Variants in SNX1 observed in about 807,000 individuals in gnomAD.
SNX1 encodes the protein sorting nexin 1.
Under a neutral mutation model 71.8 loss-of-function variants are expected in SNX1, and 36 were observed. That is an observed-to-expected ratio of 0.50 (90% CI 0.38 to 0.66). SNX1 has a LOEUF of 0.66. SNX1 is among the 30% of genes least tolerant of loss of function. The probability of loss-of-function intolerance (pLI) is 0.00; values close to 1 mark genes in which losing one functional copy is unlikely to be tolerated. For missense variants in SNX1, 612 were observed against 646.7 expected (o/e 0.95, Z 0.58); for synonymous variants, 254 against 240.7 (o/e 1.06, Z -0.51).
chr15:64,118,953 A>G lies in SNX1; in HGVS notation c.466+99A>G, dbSNP rs576339953. On this transcript the variant is annotated intron_variant, in intron 4 of 14. Transcript: ENST00000559844. ...GCTACCCCCAGAGTTGAACTAGCCA[A>G]TGTGAAGTACTTCATTAGTATCTTT... 1.5e-5 allele frequency: 12 copies of G among 816,534 alleles called. No homozygotes were observed. The East Asian group carries it at 2.5e-4, about 17-fold the overall frequency. The allele number at this position is 816,534 out of a possible 1,614,324, so 50.6% of individuals were successfully genotyped here. A position where few individuals can be genotyped will look rare whatever the true frequency, so the allele number is the denominator to read the frequency against.
rs1294633551 is a variant in SNX1 at position 64,142,576 on chromosome 15, G to A, written c.*4958G>A. ...CACAGGAAAGAATCTGTAGGTGGAG[G>A]GGAGGCCGAAGAGGGGAAGTTTCAT... On this transcript the variant is annotated 3_prime_UTR_variant, in exon 15 of 15. Coordinates refer to ENST00000559844, the MANE Select transcript of SNX1 (RefSeq NM_003099.5). 2.2e-6 allele frequency: 1 copy of A among 454,342 alleles called. No homozygotes were observed. The highest frequency in any genetic ancestry group is 4.4e-6 in the Non-Finnish European group (1 of 225,860). 28.1% of individuals were successfully genotyped at this position (454,342 alleles called of 1,614,324 possible). A position where few individuals can be genotyped will look rare whatever the true frequency, so the allele number is the denominator to read the frequency against.
intron 10 of SNX1, 85 bp from the exon 11 acceptor site, chr15:64,131,602 C>G (rs1003966465): frequency 1.5e-6 from 2 of 1,357,932 alleles, no homozygotes; most frequent in Admixed American, 3.6e-5. Context: ...GGCGGCATTG[C>G]TAAGACATGC....
chr15:64,115,209 C>A (rs2081116475), intron 2 of SNX1, among the ~76,000 whole-genome samples: 1 of 151,996 alleles, frequency 6.6e-6, no homozygotes, highest in Non-Finnish European at 1.5e-5. Context: ...CATATTTGTT[C>A]ATAGTGAGGA....
intron 4 of SNX1, among the ~76,000 whole-genome samples, chr15:64,121,908 A>G (rs1205255215): frequency 2.0e-5 from 3 of 152,224 alleles, no homozygotes; most frequent in Non-Finnish European, 1.5e-5. Context: ...ATAATTTAGA[A>G]TTCAACTTTT....
chr15:64,133,413 C>G (rs1465808386), intron 11 of SNX1, among the ~76,000 whole-genome samples: 8 of 152,208 alleles, frequency 5.3e-5, no homozygotes, highest in African/African-American at 1.4e-4. Flanking sequence ...TGGCAAAAGC[C>G]TGTGCTGAGG....
intron 1 of SNX1, among the ~76,000 whole-genome samples, chr15:64,096,955 A>G (rs1449191493): frequency 1.3e-5 from 2 of 152,254 alleles, no homozygotes; most frequent in African/African-American, 2.4e-5. Flanking sequence ...TAACAAAGGA[A>G]TGAAACACAA....
intron 1 of SNX1, among the ~76,000 whole-genome samples, chr15:64,106,740 G>C (rs1381765507): frequency 1.3e-5 from 2 of 152,202 alleles, no homozygotes; most frequent in African/African-American, 2.4e-5. Flanking sequence ...TACTGGCTTT[G>C]AAGATGGAAG....
At chr15:64,103,785 A>G (rs1325125197) in intron 1 of SNX1, among the ~76,000 whole-genome samples, 1 of 152,246 alleles carries the variant, frequency 6.6e-6, no homozygotes, top group Non-Finnish European at 1.5e-5. Context: ...GATATAACAC[A>G]TCCTCATTAA....
chr15:64,100,626 A>AG lies in SNX1; in HGVS notation c.159+4455dup, dbSNP rs1158526517. On this transcript the variant is annotated intron_variant, in intron 1 of 14. Transcript: ENST00000559844. ...TCTCAAAAAAAAAAAAAAAAAAAAA[A>AG]GAGACTCAAAAAAATTACTGAAATA... is the stretch of plus-strand genomic sequence containing the variant. Among the ~76,000 whole-genome samples, 723 of 142,844 alleles carry AG rather than the reference A, an allele frequency of 5.1e-3. 5 individuals carry two copies. The highest frequency in any genetic ancestry group is 0.017 in the African/African-American group (698 of 40,012). The allele number at this position is 142,844 out of a possible 152,430, so 93.7% of individuals were successfully genotyped here.
At chr15:64,127,480 C>T (rs2081265459) in intron 7 of SNX1, among the ~76,000 whole-genome samples, 1 of 151,664 alleles carries the variant, frequency 6.6e-6, no homozygotes, top group South Asian at 2.1e-4. Flanking sequence ...CAGTCATATT[C>T]TTAGACAATC....
rs1165633730 is a variant in SNX1, at chr15:64,134,976, GC to G, written c.1365+171del. On this transcript the variant is annotated intron_variant, in intron 12 of 14. Coordinates refer to ENST00000559844, the MANE Select transcript of SNX1 (RefSeq NM_003099.5). The surrounding 1 kb of genome is among the most constrained non-coding windows in gnomAD (Gnocchi z 4.1). ...GAGAATGACTCCAGGCCTTCCTGAG[GC>G]CTAGTCCCCCTGTTCTTTTTCTACT... The G allele has an allele frequency of 1.3e-6, 1 of 771,638 alleles. No homozygotes were observed. The highest frequency in any genetic ancestry group is 1.8e-5 in the African/African-American group (1 of 56,824). The allele number at this position is 771,638 out of a possible 1,614,324, so 47.8% of individuals were successfully genotyped here.
In SNX1 at chr15:64,107,895, TA is replaced by T. The variant is rs2081038607; in HGVS notation, c.160-4673del. ...ACTTACTGACTGCTAAGGAGTTTTT[TA>T]AAAATATGGGTTATTGGCCGGGCGC... On this transcript the variant is annotated intron_variant, in intron 1 of 14. Coordinates refer to ENST00000559844, the MANE Select transcript of SNX1 (RefSeq NM_003099.5). 2.6e-5 allele frequency among the ~76,000 whole-genome samples: 4 copies of T among 152,156 alleles called. No individual in the cohort carries two copies. The South Asian group carries it at 8.3e-4, about 31-fold the overall frequency.
At position 64,130,010 on chromosome 15, in the gene SNX1, A is replaced by G. The variant is rs1388017759; in HGVS notation, c.902A>G (p.Lys301Arg). The G allele has an allele frequency of 1.2e-6, 2 of 1,613,650 alleles. No individual in the cohort carries two copies. The highest frequency in any genetic ancestry group is 1.7e-6 in the Non-Finnish European group (2 of 1,179,654). The change falls in exon 9 of 15, where the codon AAG becomes AGG. Residue 301 changes from lysine to arginine, a missense_variant. Lys to Arg is a conservative substitution (Grantham distance 26). Around this residue, in one of 2 missense-constraint regions of SNX1, gnomAD observed 296 missense variants for 361.9 expected, o/e 0.82. Coordinates refer to ENST00000559844, the MANE Select transcript of SNX1 (RefSeq NM_003099.5). Reference sequence around the variant, plus strand: ...GATGCCGTCAGCAAAATGACCATCAAGATGAATGAATCAGACATTGTGAGT... The same window carrying G: ...GATGCCGTCAGCAAAATGACCATCAGGATGAATGAATCAGACATTGTGAGT... ...ATDAVSKMTI[K>R]MNESDIWFEE...
At chr15:64,130,878 G>C (rs1428026067) in intron 10 of SNX1, among the ~76,000 whole-genome samples, 1 of 152,222 alleles carries the variant, frequency 6.6e-6, no homozygotes, top group Non-Finnish European at 1.5e-5. Context: ...GGCCAAATCT[G>C]ACCCTGGTTC....
intron 1 of SNX1, among the ~76,000 whole-genome samples, chr15:64,108,525 C>A (rs867543281): frequency 1.3e-5 from 2 of 151,998 alleles, no homozygotes; most frequent in Non-Finnish European, 1.5e-5. Context: ...GAACGTGAGT[C>A]CATTTCTTCT....
intron 5 of SNX1, among the ~76,000 whole-genome samples, chr15:64,124,182 CTGTT>C (rs2081226308): frequency 9.1e-5 from 7 of 76,648 alleles, no homozygotes; most frequent in Admixed American, 4.2e-4. Flanking sequence ...ATATATATGA[CTGTT>C]TTGCTTTGTT....
In SNX1 at chr15:64,120,881, T is replaced by C. The variant is rs2081190697; in HGVS notation, c.466+2027T>C. ...TTTTTTTTAATTTGAACTGTTGAGT[T>C]TTACTTTTCCCAGACTGTTGGACTG... On this transcript the variant is annotated intron_variant, in intron 4 of 14. Coordinates refer to ENST00000559844, the MANE Select transcript of SNX1 (RefSeq NM_003099.5). 2.6e-5 allele frequency among the ~76,000 whole-genome samples: 4 copies of C among 152,130 alleles called. 1 individual carries two copies. Among genetic ancestry groups the C allele is most frequent in the African/African-American group, 4.8e-5 (2 of 41,426 alleles).
At chr15:64,113,264 A>G (rs1027067421) in intron 2 of SNX1, among the ~76,000 whole-genome samples, 4 of 152,192 alleles carry the variant, frequency 2.6e-5, no homozygotes, top group African/African-American at 9.7e-5. Flanking sequence ...CAACCTTAGC[A>G]CTATTAACAT....
Position 64,129,405 on chromosome 15 carries a change from T to G in SNX1, c.808-511T>G, listed in dbSNP as rs2081284944. 6.6e-6 allele frequency among the ~76,000 whole-genome samples: 1 copy of G among 152,180 alleles called. No homozygotes were observed. Among genetic ancestry groups the G allele is most frequent in the African/African-American group, 2.4e-5 (1 of 41,434 alleles). ...CAGCAATCAGATTGTTTCTGAATAT[T>G]TGGCATGCTTGACTACTAGGTTATC... On this transcript the variant is annotated intron_variant, in intron 8 of 14. Transcript: ENST00000559844. This position sits in a 1 kb window ranked among gnomAD's most constrained non-coding sequence, Gnocchi z 4.4.
Sources: allele counts gnomAD v4.1 joint callset (sites outside exome capture counted in the v4.1 genomes callset), GRCh38; gene constraint gnomAD v4.1.1; regional missense constraint gnomAD v4.1.1; non-coding constraint Gnocchi (gnomAD v3.1); transcripts MANE v1.5; gene names NCBI Gene and HGNC (gene_info 2026-07-23, HGNC 2026-07-21).